DMD: variants seen among roughly 807,000 people sequenced by gnomAD.
DMD encodes the protein mutant dystrophin.
In DMD, 63 loss-of-function variants were observed where a neutral mutation model predicts 330.1. The observed-to-expected ratio is 0.19, with a 90% CI of 0.16 to 0.24. DMD has a LOEUF of 0.24. DMD is among the 10% of genes least tolerant of loss of function. The probability of loss-of-function intolerance (pLI) is 1.00; values close to 1 mark genes in which losing one functional copy is unlikely to be tolerated. For synonymous variants in DMD, 1,223 were observed against 959.8 expected, an observed-to-expected ratio of 1.27 and a Z score of -5.07; for missense variants, 3,344 against 2,684.1, an observed-to-expected ratio of 1.25 and a Z score of -5.43.
At chrX:33,182,422 T>G (rs1355873183) in intron 1 of DMD, among the ~76,000 whole-genome samples, 3 of 110,628 alleles carry the variant, frequency 2.7e-5, no homozygotes, top group African/African-American at 9.9e-5. Flanking sequence ...GTTGTCACTA[T>G]GCCTGGCTCA....
At chrX:32,553,435 G>C (rs2049813971) in intron 16 of DMD, among the ~76,000 whole-genome samples, 1 of 107,201 alleles carries the variant, frequency 9.3e-6, no homozygotes, top group African/African-American at 3.6e-5. Context: ...AGGAGGGTGA[G>C]GATTAAAAAA....
chrX:31,398,770 AG>A (rs1271118711), intron 60 of DMD, among the ~76,000 whole-genome samples: 1 of 112,180 alleles, frequency 8.9e-6, no homozygotes, highest in Non-Finnish European at 1.9e-5. Flanking sequence ...CTCCCACCTC[AG>A]CCTCTTCAGT....
At chrX:32,169,928 C>T (rs1181998918) in intron 44 of DMD, among the ~76,000 whole-genome samples, 1 of 111,495 alleles carries the variant, frequency 9.0e-6, no homozygotes, top group Non-Finnish European at 1.9e-5. Context: ...AAAAAAAACT[C>T]ACTGTCTTCT....
At chrX:32,518,240 G>A in intron 17 of DMD, 109 bp from the exon 18 acceptor site, 1 of 763,340 alleles carries the variant, frequency 1.3e-6, no homozygotes, top group Non-Finnish European at 2.0e-6. Flanking sequence ...TGAGACTCCT[G>A]CCTGACACCT....
intron 12 of DMD, among the ~76,000 whole-genome samples, chrX:32,605,545 A>T (rs778653461): frequency 9.2e-6 from 1 of 108,996 alleles, no homozygotes; most frequent in East Asian, 2.8e-4. Context: ...AATGGAACTT[A>T]ATTTTAAAAT....
intron 4 of DMD, among the ~76,000 whole-genome samples, chrX:32,842,347 C>T (rs1341167932): frequency 8.9e-6 from 1 of 112,338 alleles, no homozygotes; most frequent in Non-Finnish European, 1.9e-5. Context: ...GACAAGCATG[C>T]ACACACTCCT....
chrX:32,306,405 C>T (rs1042186895), intron 42 of DMD, among the ~76,000 whole-genome samples: 1 of 110,872 alleles, frequency 9.0e-6, no homozygotes, highest in Non-Finnish European at 1.9e-5. Context: ...CTTGTGGTCT[C>T]GAACTTGAAC....
intron 23 of DMD, among the ~76,000 whole-genome samples, chrX:32,466,773 C>A (rs2040072813): frequency 9.0e-6 from 1 of 111,366 alleles, no homozygotes; most frequent in Admixed American, 9.6e-5. Context: ...ACAAGGAATG[C>A]TTCTAGAAGC....
At chrX:32,893,738 G>A (rs780045925) in intron 2 of DMD, among the ~76,000 whole-genome samples, 14 of 111,437 alleles carry the variant, frequency 1.3e-4, no homozygotes, top group African/African-American at 4.6e-4. Context: ...ATCTGTTTGT[G>A]CTACTAAATA....
chrX:33,009,135 T>C lies in DMD; in HGVS notation c.93+11004A>G, dbSNP rs189595985. ...ATGTGTATATATACGTATATATGTA[T>C]ATATATGTGTATATATACGTATATA... On this transcript the variant is annotated intron_variant, in intron 2 of 78. Coordinates refer to ENST00000357033, the MANE Select transcript of DMD (RefSeq NM_004006.3). Among the ~76,000 whole-genome samples the C allele has an allele frequency of 9.5e-4, 20 of 20,974 alleles. 2 individuals carry two copies. The highest frequency in any genetic ancestry group is 2.8e-3 in the African/African-American group (13 of 4,671). The allele number at this position is 20,974 out of a possible 115,157, so 18.2% of individuals were successfully genotyped here.
At chrX:32,556,617 C>T (rs947698288) in intron 16 of DMD, among the ~76,000 whole-genome samples, 1 of 111,877 alleles carries the variant, frequency 8.9e-6, no homozygotes, top group African/African-American at 3.2e-5. Flanking sequence ...CCAAGGAATA[C>T]TATAATGCCA....
At chrX:32,497,477 C>T (rs772717257) in intron 19 of DMD, among the ~76,000 whole-genome samples, 4 of 112,056 alleles carry the variant, frequency 3.6e-5, no homozygotes, top group South Asian at 7.4e-4. Context: ...TTAACTAACC[C>T]TATTACATAA....
At chrX:32,904,930 C>T (rs1466014787) in intron 2 of DMD, among the ~76,000 whole-genome samples, 1 of 111,788 alleles carries the variant, frequency 8.9e-6, no homozygotes, top group Non-Finnish European at 1.9e-5. Flanking sequence ...TGTTGCTTGT[C>T]TCGTTGCTCA....
intron 7 of DMD, among the ~76,000 whole-genome samples, chrX:32,805,929 G>A (rs1321266957): frequency 1.8e-5 from 2 of 112,038 alleles, no homozygotes; most frequent in African/African-American, 6.5e-5. Context: ...AGCTCCTTCA[G>A]GAAGCACTAA....
intron 7 of DMD, among the ~76,000 whole-genome samples, chrX:32,748,870 C>T (rs16990614): frequency 0.074 from 8,310 of 112,051 alleles, 679 homozygotes; most frequent in African/African-American, 0.24. Flanking sequence ...TTGTTCACAG[C>T]TCTCTGATTA....
chrX:32,769,801 T>C (rs1258763226), intron 7 of DMD, among the ~76,000 whole-genome samples: 1 of 83,475 alleles, frequency 1.2e-5, no homozygotes, highest in Non-Finnish European at 2.2e-5. Context: ...TAAACATTAC[T>C]ATCCAGGAAA....
At chrX:32,486,399 T>A (rs1426661388) in intron 20 of DMD, among the ~76,000 whole-genome samples, 2 of 112,059 alleles carry the variant, frequency 1.8e-5, no homozygotes, top group African/African-American at 3.2e-5. Flanking sequence ...TTTCCTAATA[T>A]AGTTTCTAGA....
intron 7 of DMD, among the ~76,000 whole-genome samples, chrX:32,798,385 C>T (rs1029086668): frequency 1.3e-4 from 15 of 111,798 alleles, no homozygotes; most frequent in African/African-American, 4.9e-4. Flanking sequence ...CAAGAGAACA[C>T]ACTGGAATAC....
At chrX:32,338,518 T>C (rs1603631125) in intron 41 of DMD, among the ~76,000 whole-genome samples, 1 of 111,682 alleles carries the variant, frequency 9.0e-6, no homozygotes, top group Non-Finnish European at 1.9e-5. Flanking sequence ...AAAAAATCCA[T>C]TTAATTTTTA....
Sources: gnomAD v4.1 joint callset for allele counts (sites outside exome capture counted in the v4.1 genomes callset) on GRCh38, gnomAD v4.1.1 for gene constraint, MANE v1.5 for transcripts, NCBI Gene and HGNC (gene_info 2026-07-23, HGNC 2026-07-21) for gene names.